Variants in CCDC148 observed in about 807,000 individuals in gnomAD.
The protein encoded by CCDC148 is coiled-coil domain containing 148.
In CCDC148, 89 loss-of-function variants were observed where a neutral mutation model predicts 85.7. That is an observed-to-expected ratio of 1.04 (90% confidence interval 0.87 to 1.24). The LOEUF (loss-of-function observed/expected upper bound fraction) is 1.24. Among genes scored for constraint, CCDC148 ranks in the 50% most tolerant of loss-of-function variants. CCDC148 has a pLI of 0.00. For synonymous variants in CCDC148, 230 were observed against 213.9 expected, an observed-to-expected ratio of 1.08 and a Z score of -0.66; for missense variants, 692 against 671.7, an observed-to-expected ratio of 1.03 and a Z score of -0.33.
intron 1 of CCDC148, among the ~76,000 whole-genome samples, chr2:158,419,495 C>T (rs993915140): frequency 1.1e-4 from 17 of 152,126 alleles, no homozygotes; most frequent in Non-Finnish European, 1.9e-4. Context: ...GAGATCCTGG[C>T]CTTGCCACTT....
rs74582794 is a variant in CCDC148, at chr2:158,297,192, C to G, written c.1110+12241G>C. Reference sequence around the variant, plus strand: ...CATAGTAAACTGGACACCCAAGTTCCTCCAATTATGTTGTTTTTTCTTGTC... The same window carrying G: ...CATAGTAAACTGGACACCCAAGTTCGTCCAATTATGTTGTTTTTTCTTGTC... On this transcript the variant is annotated intron_variant, in intron 9 of 13. Transcript: ENST00000283233. 5.2e-3 allele frequency among the ~76,000 whole-genome samples: 788 copies of G among 152,242 alleles called. 7 individuals carry two copies. Among genetic ancestry groups the G allele is most frequent in the African/African-American group, 0.018 (741 of 41,556 alleles).
chr2:158,226,790 T>G (rs1303278426), intron 10 of CCDC148, among the ~76,000 whole-genome samples: 3 of 152,176 alleles, frequency 2.0e-5, no homozygotes, highest in Non-Finnish European at 4.4e-5. Context: ...AAATTAGGTA[T>G]TGATGGGATG....
chr2:158,356,584 G>A (rs1360684486), intron 2 of CCDC148, among the ~76,000 whole-genome samples: 1 of 151,500 alleles, frequency 6.6e-6, no homozygotes, highest in Non-Finnish European at 1.5e-5. Context: ...GGAAACAACA[G>A]GTGCTGGAGA....
Position 158,210,238 on chromosome 2 carries a change from T to G in CCDC148, c.1370+10357A>C, listed in dbSNP as rs113932233. On this transcript the variant is annotated intron_variant, in intron 11 of 13. Coordinates refer to ENST00000283233, the MANE Select transcript of CCDC148 (RefSeq NM_138803.4). ...AAAGGGCATTACATAATGGTAAAAG[T>G]ATCCAAGCAACAAGAAGAGCGAGCT... 7.2e-3 allele frequency among the ~76,000 whole-genome samples: 1,102 copies of G among 152,168 alleles called. 16 individuals are homozygous for G. Among genetic ancestry groups the G allele is most frequent in the African/African-American group, 0.025 (1,026 of 41,512 alleles).
intron 11 of CCDC148, among the ~76,000 whole-genome samples, chr2:158,202,365 T>A (rs1159535655): frequency 6.6e-6 from 1 of 152,202 alleles, no homozygotes; most frequent in African/African-American, 2.4e-5. Context: ...AGGAATGCAA[T>A]CAGATGAGAA....
intron 2 of CCDC148, among the ~76,000 whole-genome samples, chr2:158,357,792 A>C (rs1321488545): frequency 2.6e-5 from 4 of 152,162 alleles, no homozygotes; most frequent in Admixed American, 2.0e-4. Context: ...AAACCATGAA[A>C]ATTTTAAATA....
At chr2:158,280,193 C>A (rs927034134) in intron 9 of CCDC148, among the ~76,000 whole-genome samples, 3 of 152,140 alleles carry the variant, frequency 2.0e-5, no homozygotes, top group Non-Finnish European at 4.4e-5. Context: ...TAAAGAGCAT[C>A]GAGACTTGGA....
At chr2:158,435,425 A>G (rs1282767161) in intron 1 of CCDC148, among the ~76,000 whole-genome samples, 1 of 152,184 alleles carries the variant, frequency 6.6e-6, no homozygotes, top group African/African-American at 2.4e-5. Context: ...ACAAGCAAAT[A>G]CTGAGAGATT....
intron 7 of CCDC148, among the ~76,000 whole-genome samples, chr2:158,325,075 A>G (rs1692704674): frequency 7.3e-6 from 1 of 137,258 alleles, no homozygotes; most frequent in African/African-American, 2.9e-5. Flanking sequence ...ACACACTGCT[A>G]CGTCTCCTAT....
intron 10 of CCDC148, among the ~76,000 whole-genome samples, chr2:158,237,273 A>G (rs926769350): frequency 3.9e-5 from 6 of 152,136 alleles, no homozygotes; most frequent in African/African-American, 1.4e-4. Flanking sequence ...CTAGACTTCT[A>G]GATTCTATTC....
At chr2:158,207,605 G>C (rs1686321499) in intron 11 of CCDC148, 1 of 152,174 alleles carries the variant, frequency 6.6e-6, no homozygotes, top group Admixed American at 6.5e-5. Context: ...GAAGCAAACA[G>C]ACAGAAAAGA....
rs1684327502 is a variant in CCDC148 at position 158,171,676 on chromosome 2, T to C, written c.*437A>G. The C allele has an allele frequency of 6.6e-6, 1 of 151,960 alleles. No homozygotes were observed. Among genetic ancestry groups the C allele is most frequent in the African/African-American group, 2.4e-5 (1 of 41,402 alleles). The allele number at this position is 151,960 out of a possible 1,614,324, so 9.4% of individuals were successfully genotyped here. On this transcript the variant is annotated 3_prime_UTR_variant, in exon 14 of 14. Transcript: ENST00000283233. ...AAGGTTGAGTCTCCTCTTATAATAATCAAGAAATAATAGAAGTATTAATGA... is the reference window on the plus strand; with the variant it reads ...AAGGTTGAGTCTCCTCTTATAATAACCAAGAAATAATAGAAGTATTAATGA...
At chr2:158,357,415 G>C (rs1055164508) in intron 2 of CCDC148, among the ~76,000 whole-genome samples, 1 of 151,842 alleles carries the variant, frequency 6.6e-6, no homozygotes, top group Admixed American at 6.6e-5. Flanking sequence ...AGACTATTAG[G>C]GAGAAAAGTA....
intron 9 of CCDC148, among the ~76,000 whole-genome samples, chr2:158,261,548 A>G (rs552029243): frequency 6.6e-6 from 1 of 152,264 alleles, no homozygotes; most frequent in Non-Finnish European, 1.5e-5. Context: ...GAGCTTCTAG[A>G]CAGCAAAAGA....
intron 7 of CCDC148, among the ~76,000 whole-genome samples, chr2:158,336,649 A>T (rs1682400485): frequency 6.6e-6 from 1 of 152,204 alleles, no homozygotes; most frequent in Admixed American, 6.6e-5. Flanking sequence ...TGGCAAGCAG[A>T]CTATTAAACT....
At chr2:158,413,025 T>C (rs1686335454) in intron 1 of CCDC148, among the ~76,000 whole-genome samples, 1 of 152,006 alleles carries the variant, frequency 6.6e-6, no homozygotes, top group Non-Finnish European at 1.5e-5. Context: ...AGTTTTGTAA[T>C]TCACATGTAG....
intron 7 of CCDC148, among the ~76,000 whole-genome samples, chr2:158,331,945 C>T (rs1426361307): frequency 6.6e-6 from 1 of 151,982 alleles, no homozygotes; most frequent in African/African-American, 2.4e-5. Flanking sequence ...ACTGATGGGT[C>T]TTGACTCTTT....
intron 9 of CCDC148, among the ~76,000 whole-genome samples, chr2:158,300,163 A>C (rs1472977643): frequency 6.6e-6 from 1 of 152,208 alleles, no homozygotes; most frequent in Non-Finnish European, 1.5e-5. Context: ...CACATCATAT[A>C]CTTGTTTCAA....
At chr2:158,421,633 G>T (rs914058983) in intron 1 of CCDC148, among the ~76,000 whole-genome samples, 1 of 152,142 alleles carries the variant, frequency 6.6e-6, no homozygotes, top group African/African-American at 2.4e-5. Flanking sequence ...ACAAGAGAAA[G>T]CAGGAAAGAT....
Sources: gnomAD v4.1 joint callset for allele counts (sites outside exome capture counted in the v4.1 genomes callset) on GRCh38, gnomAD v4.1.1 for gene constraint, MANE v1.5 for transcripts, NCBI Gene and HGNC (gene_info 2026-07-23, HGNC 2026-07-21) for gene names.